TRANK1: variants seen among roughly 807,000 people sequenced by gnomAD.
TRANK1 encodes the protein TPR and ankyrin repeat-containing protein 1.
Under a neutral mutation model 266.0 loss-of-function variants are expected in TRANK1, and 198 were observed. The ratio of observed to expected loss-of-function variants is 0.74; its 90% CI spans 0.66 to 0.84. The LOEUF is 0.84. Among genes scored for constraint, TRANK1 ranks in the 40% least tolerant of loss-of-function variants. The pLI, the probability that TRANK1 is intolerant of heterozygous loss-of-function variation, is 0.00. For missense variants in TRANK1, 3,326 were observed against 3,634.6 expected, an observed-to-expected ratio of 0.92 and a Z score of 2.18; for synonymous variants, 1,396 against 1,384.1, an observed-to-expected ratio of 1.01 and a Z score of -0.19.
chr3:36,855,827 C>T lies in TRANK1; in HGVS notation c.3895G>A (p.Gly1299Arg). 1.2e-6 allele frequency: 2 copies of T among 1,613,764 alleles called. No homozygotes were observed. The highest frequency in any genetic ancestry group is 1.7e-6 in the Non-Finnish European group (2 of 1,179,826). ...QEDEEEAEVDGDYSEEDKAVE... is the reference protein window; with the variant it reads ...QEDEEEAEVDRDYSEEDKAVE... ...GCTTTATCCTCCTCACTGTAGTCCC[C>T]ATCCACCTCAGCCTCCTCTTCATCC... is the stretch of plus-strand genomic sequence containing the variant. Residue 1299 changes from glycine (G) to arginine (R), a missense_variant, in exon 13 of 24, where the codon GGG becomes AGG. Transcript: ENST00000645898.
At chr3:36,937,231 C>T (rs563564317) in intron 1 of TRANK1, among the ~76,000 whole-genome samples, 3 of 152,302 alleles carry the variant, frequency 2.0e-5, no homozygotes, top group East Asian at 3.9e-4. Context: ...GTGGTAGACA[C>T]ATGATTTCTC....
intron 1 of TRANK1, among the ~76,000 whole-genome samples, chr3:36,934,002 G>A (rs1483911283): frequency 1.3e-5 from 2 of 152,152 alleles, no homozygotes; most frequent in Non-Finnish European, 1.5e-5. Context: ...TTGCTCAGGG[G>A]CCCTAAGAAA....
chr3:36,864,407 A>G lies in TRANK1; in HGVS notation c.1152T>C (p.Tyr384=), dbSNP rs928937195. The G allele has an allele frequency of 1.3e-6, 2 of 1,537,096 alleles. No individual in the cohort carries two copies. Among genetic ancestry groups the G allele is most frequent in the Non-Finnish European group, 1.7e-6 (2 of 1,146,816 alleles). Residue 384 remains tyrosine, a synonymous_variant, in exon 10 of 24, where the codon TAT becomes TAC. Transcript: ENST00000645898. The part of the protein sequence containing the change: ...FRKVLEQLVK[Y]MNSGNRLLHK... Reference sequence around the variant, plus strand: ...GCAATAACCGGTTTCCTGAGTTCATATACTTCACCAGCTGCTCCAAGACCT... The same window carrying G: ...GCAATAACCGGTTTCCTGAGTTCATGTACTTCACCAGCTGCTCCAAGACCT...
intron 1 of TRANK1, among the ~76,000 whole-genome samples, chr3:36,913,462 T>C (rs977932360): frequency 9.2e-5 from 14 of 151,502 alleles, no homozygotes; most frequent in Non-Finnish European, 2.1e-4. Context: ...GTTTCTCTCC[T>C]CTCCTCTCCT....
intron 8 of TRANK1, among the ~76,000 whole-genome samples, chr3:36,876,950 G>A (rs535782942): frequency 6.6e-6 from 1 of 152,264 alleles, no homozygotes; most frequent in Non-Finnish European, 1.5e-5. Context: ...CTGAGCCTCT[G>A]AAATCTCTAT....
At chr3:36,916,562 A>C (rs1261837070) in intron 1 of TRANK1, among the ~76,000 whole-genome samples, 2 of 152,168 alleles carry the variant, frequency 1.3e-5, no homozygotes, top group Non-Finnish European at 2.9e-5. Context: ...TCTGTCTCAA[A>C]AAATAAAAAA....
At chr3:36,899,300 T>A (rs1347790922) in intron 3 of TRANK1, 41 bp from the exon 4 acceptor site, 3 of 1,504,170 alleles carry the variant, frequency 2.0e-6, no homozygotes, top group East Asian at 5.0e-5. Context: ...GTACCACATC[T>A]CCTTTAACCT....
At chr3:36,875,433 A>G (rs959166445) in intron 8 of TRANK1, among the ~76,000 whole-genome samples, 5 of 152,242 alleles carry the variant, frequency 3.3e-5, no homozygotes, top group African/African-American at 9.6e-5. Flanking sequence ...CAATCCAACA[A>G]TGGCAAAGAA....
intron 13 of TRANK1, among the ~76,000 whole-genome samples, chr3:36,854,901 TC>T (rs1179129042): frequency 1.3e-5 from 2 of 152,206 alleles, no homozygotes; most frequent in Non-Finnish European, 2.9e-5. Flanking sequence ...GTTTAAATGT[TC>T]CCCTGAAATG....
intron 9 of TRANK1, among the ~76,000 whole-genome samples, chr3:36,865,002 T>G (rs555029488): frequency 1.9e-4 from 28 of 150,802 alleles, no homozygotes; most frequent in East Asian, 7.8e-4. Context: ...TGTTGGTTTT[T>G]GGGGGTTTTT....
chr3:36,890,031 A>C, intron 7 of TRANK1, 71 bp from the exon 8 acceptor site: 12 of 1,506,010 alleles, frequency 8.0e-6, no homozygotes, highest in Non-Finnish European at 1.1e-5. Context: ...TTTGTGCAGA[A>C]GCAATAGATT....
chr3:36,942,605 C>T (rs1443080892), intron 1 of TRANK1, among the ~76,000 whole-genome samples: 2 of 151,816 alleles, frequency 1.3e-5, no homozygotes, highest in Non-Finnish European at 1.5e-5. Flanking sequence ...TAGCCAGAAC[C>T]AAAGTAACCA....
chr3:36,842,717 T>G lies in TRANK1; in HGVS notation c.5192-7A>C, dbSNP rs1197448370. 2 of 1,612,820 alleles carry G rather than the reference T, an allele frequency of 1.2e-6. No homozygotes were observed. Among genetic ancestry groups the G allele is most frequent in the South Asian group, 2.2e-5 (2 of 90,676 alleles). On this transcript the variant is annotated splice_region_variant and splice_polypyrimidine_tract_variant and intron_variant, in intron 17 of 23. Transcript: ENST00000645898. ...AACATGCTATCATCAAAGTCTAAAATGAGAAAGAAAAGTGTGTTTGCTTCT... is the reference window on the plus strand; with the variant it reads ...AACATGCTATCATCAAAGTCTAAAAGGAGAAAGAAAAGTGTGTTTGCTTCT...
At position 36,831,129 on chromosome 3, in the gene TRANK1, G is replaced by C; in HGVS notation, c.8454C>G (p.Tyr2818Ter). The C allele has an allele frequency of 6.2e-7, 1 of 1,613,966 alleles. No homozygotes were observed. The highest frequency in any genetic ancestry group is 8.5e-7 in the Non-Finnish European group (1 of 1,179,898). The change falls in exon 22 of 24, where the codon TAC becomes TAG. Residue 2818 changes from tyrosine to a stop codon, truncating the protein, a stop_gained. Transcript: ENST00000645898. LOFTEE classifies it high-confidence loss of function. The surrounding 1 kb of genome is among the most constrained non-coding windows in gnomAD (Gnocchi z 5.0). ...EECQERNSES[Y>*]EQHIHLEHHQ... is the part of the protein sequence containing the mutation. ...GGTGTTCTAGATGGATATGCTGCTCGTAAGACTCGCTGTTCCTCTCCTGAC... is the reference window on the plus strand; with the variant it reads ...GGTGTTCTAGATGGATATGCTGCTCCTAAGACTCGCTGTTCCTCTCCTGAC...
intron 11 of TRANK1, among the ~76,000 whole-genome samples, chr3:36,860,685 G>T (rs1014928837): frequency 2.0e-5 from 3 of 152,148 alleles, no homozygotes; most frequent in African/African-American, 4.8e-5. Flanking sequence ...AAAAGAGAAA[G>T]GTAGTAACTG....
chr3:36,832,433 C>T lies in TRANK1; in HGVS notation c.7150G>A (p.Glu2384Lys). The T allele has an allele frequency of 6.2e-7, 1 of 1,614,022 alleles. No individual in the cohort carries two copies. Among genetic ancestry groups the T allele is most frequent in the Non-Finnish European group, 8.5e-7 (1 of 1,179,902 alleles). Reference protein sequence around the residue: ...RGRGSRIKGIEGKFGMLAPNR... With the variant: ...RGRGSRIKGIKGKFGMLAPNR... ...GGTGCCAGCATGCCAAATTTCCCTT[C>T]TATTCCTTTTATCCTGCTGCCTCTC... The change falls in exon 22 of 24, where the codon GAA becomes AAA. Residue 2384 changes from glutamate (E) to lysine (K), a missense_variant. Transcript: ENST00000645898.
intron 16 of TRANK1, 103 bp downstream of exon 16, chr3:36,847,097 A>T: frequency 7.2e-7 from 1 of 1,380,060 alleles, no homozygotes; most frequent in Non-Finnish European, 9.7e-7. Flanking sequence ...TGCTGAGGAA[A>T]ACCAGCCAAG....
intron 1 of TRANK1, among the ~76,000 whole-genome samples, chr3:36,938,823 G>A (rs2080458615): frequency 1.3e-5 from 2 of 152,020 alleles, no homozygotes; most frequent in South Asian, 4.2e-4. Context: ...AGCGGAGGGT[G>A]GTGGCGCGTG....
chr3:36,832,506 G>A lies in TRANK1; in HGVS notation c.7077C>T (p.Asn2359=). The A allele has an allele frequency of 6.2e-7, 1 of 1,613,934 alleles. No individual in the cohort carries two copies. The highest frequency in any genetic ancestry group is 8.5e-7 in the Non-Finnish European group (1 of 1,179,894). The change falls in exon 22 of 24, where the codon AAC becomes AAT. Residue 2359 remains asparagine, a synonymous_variant. Coordinates refer to ENST00000645898, the MANE Select transcript of TRANK1 (RefSeq NM_001329998.2). The stretch of plus-strand genomic sequence containing the variant: ...CAGACTCTAGAGCTTTGAGTTCCCT[G>A]TTGTAGTTGTCCTCCTCCTGGTGGA... ...KLLHQEEDNY[N]RELKALESEK...
Sources: allele counts gnomAD v4.1 joint callset (sites outside exome capture counted in the v4.1 genomes callset), GRCh38; gene constraint gnomAD v4.1.1; non-coding constraint Gnocchi (gnomAD v3.1); transcripts MANE v1.5; gene names NCBI Gene and HGNC (gene_info 2026-07-23, HGNC 2026-07-21).